UTP4: variants seen among roughly 807,000 people sequenced by gnomAD.
UTP4 encodes UTP4 small subunit processome component, also known as U3 small nucleolar RNA-associated protein 4 homolog.
In UTP4, 45 loss-of-function variants were observed where a neutral mutation model predicts 82.4. The observed-to-expected ratio is 0.55, with a 90% CI of 0.43 to 0.70. The LOEUF is 0.70. UTP4 is among the 30% of genes least tolerant of loss of function. The pLI, the probability that UTP4 is intolerant of heterozygous loss-of-function variation, is 0.00. For synonymous variants in UTP4, 348 were observed against 300.3 expected (o/e 1.16, Z -1.64); for missense variants, 819 against 858.3 (o/e 0.95, Z 0.57).
rs1422365218 is a variant in UTP4, at chr16:69,167,196, T to C, written c.1944+11T>C. ...TCTAAGATATATAAGGTAAAACATC[T>C]TGTGTTGTTATTCTGGATAGTTGGT... On this transcript the variant is annotated intron_variant, in intron 16 of 16. Coordinates refer to ENST00000314423, the MANE Select transcript of UTP4 (RefSeq NM_032830.3). 1 of 1,533,466 alleles carries C rather than the reference T, an allele frequency of 6.5e-7. No individual in the cohort carries two copies. Among genetic ancestry groups the C allele is most frequent in the East Asian group, 2.2e-5 (1 of 44,532 alleles). 95.0% of individuals were successfully genotyped at this position (1,533,466 alleles called of 1,614,324 possible).
chr16:69,168,855 C>T lies in UTP4; in HGVS notation c.1979C>T (p.Thr660Ile). 1.2e-6 allele frequency: 2 copies of T among 1,613,718 alleles called. No individual in the cohort carries two copies. Among genetic ancestry groups the T allele is most frequent in the Non-Finnish European group, 1.7e-6 (2 of 1,179,628 alleles). ...LLFMDLLDER[T>I]LVAVERPLDD... ...TTCATGGATCTTTTGGATGAAAGAA[C>T]ACTCGTGGCAGTAGAACGGCCTCTG... The change falls in exon 17 of 17, where the codon ACA becomes ATA. Residue 660 changes from threonine to isoleucine, a missense_variant. By Grantham distance (89) the Thr-to-Ile change is moderately conservative (BLOSUM62 -1). Transcript: ENST00000314423.
At position 69,160,282 on chromosome 16, in the gene UTP4, TGC is replaced by T. The variant is rs1409464805; in HGVS notation, c.1445-73_1445-72del. On this transcript the variant is annotated intron_variant, in intron 12 of 16. Coordinates refer to ENST00000314423, the MANE Select transcript of UTP4 (RefSeq NM_032830.3). ...AAACTCTAATGGTCTCCTTGGCTTTTGCCATCATCTCCAGGGCAGGTCTGGCT... is the reference window on the plus strand; with the variant it reads ...AAACTCTAATGGTCTCCTTGGCTTTTCATCATCTCCAGGGCAGGTCTGGCT... 2.6e-6 allele frequency: 3 copies of T among 1,134,424 alleles called. No individual in the cohort carries two copies. In the African/African-American group the frequency reaches 4.6e-5, roughly 17 times the overall value. 70.3% of individuals were successfully genotyped at this position (1,134,424 alleles called of 1,614,324 possible).
Position 69,137,883 on chromosome 16 carries a change from A to C in UTP4, c.434A>C (p.Lys145Thr). The C allele has an allele frequency of 1.9e-6, 3 of 1,598,420 alleles. No homozygotes were observed. The highest frequency in any genetic ancestry group is 2.6e-6 in the Non-Finnish European group (3 of 1,165,698). Reference protein sequence around the residue: ...IQFERNFDRQKSRILSLSWHP... With the variant: ...IQFERNFDRQTSRILSLSWHP... ...TTTGAAAGAAATTTTGATCGGCAGA[A>C]AAGTAAGCGTCATTTTTCATGGGGC... Residue 145 changes from lysine to threonine, a missense_variant and splice_region_variant, in exon 4 of 17, where the codon AAA becomes ACA. Coordinates refer to ENST00000314423, the MANE Select transcript of UTP4 (RefSeq NM_032830.3).
intron 8 of UTP4, among the ~76,000 whole-genome samples, chr16:69,151,446 C>G (rs138092372): frequency 1.3e-5 from 2 of 151,860 alleles, no homozygotes; most frequent in Non-Finnish European, 2.9e-5. Context: ...CTCAGCCTTC[C>G]GAGTGGCTGG....
chr16:69,135,595 A>C (rs1193367533), intron 2 of UTP4, among the ~76,000 whole-genome samples: 1 of 152,188 alleles, frequency 6.6e-6, no homozygotes, highest in Non-Finnish European at 1.5e-5. Flanking sequence ...GTATGCCCAT[A>C]GTTCCAGCTA....
intron 6 of UTP4, among the ~76,000 whole-genome samples, chr16:69,146,807 TAACA>T (rs1168009381): frequency 8.6e-5 from 13 of 150,872 alleles, no homozygotes; most frequent in Non-Finnish European, 1.3e-4. Flanking sequence ...CCATCCCGGC[TAACA>T]TGGTGAAACC....
intron 4 of UTP4, chr16:69,139,000 G>A (rs927962920): frequency 7.2e-5 from 8 of 111,528 alleles, no homozygotes; most frequent in Non-Finnish European, 8.4e-5. Flanking sequence ...ATGGAGTCTT[G>A]CTTTGTCGCC....
At chr16:69,155,816 C>G in intron 10 of UTP4, 55 bp from the exon 11 acceptor site, 1 of 1,608,716 alleles carries the variant, frequency 6.2e-7, no homozygotes, top group Non-Finnish European at 8.5e-7. Flanking sequence ...TGTCCCAGTG[C>G]ACCTTGTTAT....
At chr16:69,155,757 G>A in intron 10 of UTP4, 114 bp from the exon 11 acceptor site, 1 of 1,074,460 alleles carries the variant, frequency 9.3e-7, no homozygotes, top group East Asian at 2.4e-5. Context: ...TCGAGATTAT[G>A]TGTAGATATC....
At chr16:69,164,539 A>C (rs935704030) in intron 14 of UTP4, among the ~76,000 whole-genome samples, 2 of 149,454 alleles carry the variant, frequency 1.3e-5, no homozygotes, top group African/African-American at 4.9e-5. Context: ...TAAAAATTTT[A>C]AAGTCCACAT....
chr16:69,153,775 G>C, intron 9 of UTP4, 95 bp downstream of exon 9: 1 of 821,308 alleles, frequency 1.2e-6, no homozygotes, highest in South Asian at 1.4e-5. Flanking sequence ...AAAAACTGAA[G>C]TAGACTTTTG....
Position 69,150,519 on chromosome 16 carries a change from CAT to C in UTP4, c.739-17_739-16del. 6.2e-7 allele frequency: 1 copy of C among 1,614,166 alleles called. No homozygotes were observed. The highest frequency in any genetic ancestry group is 8.5e-7 in the Non-Finnish European group (1 of 1,179,998). On this transcript the variant is annotated splice_polypyrimidine_tract_variant and intron_variant, in intron 6 of 16. Transcript: ENST00000314423. ...TTGTTTTGCTTACGTGTACCTCCCT[CAT>C]GATTTAATTCCTCAGCAAGAAGACA...
At chr16:69,140,597 C>T (rs1021812869) in intron 5 of UTP4, among the ~76,000 whole-genome samples, 1 of 151,932 alleles carries the variant, frequency 6.6e-6, no homozygotes, top group African/African-American at 2.4e-5. Flanking sequence ...GCCTGTATTC[C>T]CATCAACTCA....
chr16:69,162,216 C>T (rs1201933365), intron 13 of UTP4, among the ~76,000 whole-genome samples: 2 of 151,756 alleles, frequency 1.3e-5, no homozygotes, highest in South Asian at 2.1e-4. Context: ...ATCCGCCTGC[C>T]TTGGCCTCCC....
At chr16:69,151,441 C>G (rs1188725455) in intron 8 of UTP4, among the ~76,000 whole-genome samples, 3 of 151,906 alleles carry the variant, frequency 2.0e-5, no homozygotes, top group Non-Finnish European at 4.4e-5. Flanking sequence ...CCTGCCTCAG[C>G]CTTCCGAGTG....
chr16:69,138,846 CCA>C (rs1486164467), intron 4 of UTP4, among the ~76,000 whole-genome samples: 1 of 152,096 alleles, frequency 6.6e-6, no homozygotes, highest in African/African-American at 2.4e-5. Context: ...GGCCTGTGGG[CCA>C]CAGTTTGGTG....
intron 1 of UTP4, 127 bp from the exon 2 acceptor site, chr16:69,133,331 G>C: frequency 1.1e-6 from 1 of 870,992 alleles, no homozygotes; most frequent in Non-Finnish European, 1.9e-6. Flanking sequence ...GCAGCCATTT[G>C]GAAATGAACT....
chr16:69,139,960 T>A (rs757308654), intron 5 of UTP4, 46 bp downstream of exon 5: 18 of 1,391,972 alleles, frequency 1.3e-5, no homozygotes, highest in Non-Finnish European at 1.7e-5. Context: ...TTTGTCAGAT[T>A]CACATTTCTG....
In UTP4 at chr16:69,156,102, A is replaced by G. The variant is rs963854149; in HGVS notation, c.1287+109A>G. On this transcript the variant is annotated intron_variant, in intron 11 of 16. Transcript: ENST00000314423. ...GTGAATCCTTGCTCAGTTAAAAACT[A>G]TTTGGAGATTTGGAGAAGGCTGTTA... 7.9e-6 allele frequency: 8 copies of G among 1,018,050 alleles called. No homozygotes were observed. In the South Asian group the frequency reaches 8.0e-5, roughly 10 times the overall value. 63.1% of individuals were successfully genotyped at this position (1,018,050 alleles called of 1,614,324 possible).
Sources: allele counts gnomAD v4.1 joint callset (sites outside exome capture counted in the v4.1 genomes callset), GRCh38; gene constraint gnomAD v4.1.1; transcripts MANE v1.5; gene names NCBI Gene and HGNC (gene_info 2026-07-23, HGNC 2026-07-21).